Variants in RERE observed in about 807,000 individuals in gnomAD.
The protein encoded by RERE is arginine-glutamic acid dipeptide repeats, also known as arginine-glutamic acid dipeptide repeats protein.
A neutral mutation model predicts 146.1 loss-of-function variants in RERE; 40 were observed. The ratio of observed to expected loss-of-function variants is 0.27; its 90% CI spans 0.21 to 0.36. RERE has a LOEUF of 0.36. Ranked by LOEUF, RERE falls within the 10% of genes least tolerant of loss-of-function variation. The pLI is 1.00. For synonymous variants in RERE, 1,003 were observed against 866.0 expected, an observed-to-expected ratio of 1.16 and a Z score of -2.78; for missense variants, 1,933 against 2,138.7, an observed-to-expected ratio of 0.90 and a Z score of 1.90.
At chr1:8,376,369 C>A (rs1194348479) in intron 12 of RERE, among the ~76,000 whole-genome samples, 1 of 152,212 alleles carries the variant, frequency 6.6e-6, no homozygotes, top group African/African-American at 2.4e-5. Flanking sequence ...CACCCATGGA[C>A]TACAGAACTG....
intron 1 of RERE, among the ~76,000 whole-genome samples, chr1:8,682,308 G>C (rs1400745286): frequency 1.3e-5 from 2 of 152,060 alleles, no homozygotes; most frequent in Non-Finnish European, 2.9e-5. Flanking sequence ...TTCTTTCCAT[G>C]ATACAATAAA....
chr1:8,614,038 G>C (rs563165105), intron 4 of RERE, among the ~76,000 whole-genome samples: 1 of 152,140 alleles, frequency 6.6e-6, no homozygotes, highest in Non-Finnish European at 1.5e-5. Context: ...AGGGATAGCC[G>C]TTAAGAAGTA....
At chr1:8,473,382 G>A (rs1644715262) in intron 10 of RERE, among the ~76,000 whole-genome samples, 1 of 152,184 alleles carries the variant, frequency 6.6e-6, no homozygotes, top group Non-Finnish European at 1.5e-5. Context: ...CTAGCAATGG[G>A]GAGGGATACA....
intron 4 of RERE, among the ~76,000 whole-genome samples, chr1:8,580,174 T>C (rs1196745955): frequency 6.6e-6 from 1 of 152,208 alleles, no homozygotes; most frequent in Non-Finnish European, 1.5e-5. Flanking sequence ...AGCCTATGTA[T>C]ACAGCTCCTA....
chr1:8,455,562 A>C (rs1380473460), intron 11 of RERE, among the ~76,000 whole-genome samples: 5 of 152,128 alleles, frequency 3.3e-5, no homozygotes, highest in Non-Finnish European at 7.3e-5. Context: ...CTTCCAAAGC[A>C]AGCTACTGAG....
At chr1:8,738,637 G>GT (rs1640246479) in intron 1 of RERE, among the ~76,000 whole-genome samples, 1 of 152,096 alleles carries the variant, frequency 6.6e-6, no homozygotes, top group African/African-American at 2.4e-5. Context: ...ACAGTCAGTA[G>GT]TCCCATTTAC....
rs1643964592 is a variant in RERE at position 8,423,994 on chromosome 1, G to A, written c.1204-1187C>T. 1 of 151,784 alleles carries A rather than the reference G, an allele frequency of 6.6e-6. No individual in the cohort carries two copies. The highest frequency in any genetic ancestry group is 1.5e-5 in the Non-Finnish European group (1 of 67,962). The allele number at this position is 151,784 out of a possible 1,614,324, so 9.4% of individuals were successfully genotyped here. The stretch of plus-strand genomic sequence containing the variant: ...GACAGGAGAACATCAAGGCGGTAAA[G>A]CACAGAAACTTCCTCCCTACCGCAG... On this transcript the variant is annotated intron_variant, in intron 11 of 22. Transcript: ENST00000400908. The surrounding 1 kb of genome is among the most constrained non-coding windows in gnomAD (Gnocchi z 5.4).
chr1:8,543,378 C>T (rs1438114085), intron 6 of RERE, among the ~76,000 whole-genome samples: 2 of 152,194 alleles, frequency 1.3e-5, no homozygotes, highest in African/African-American at 4.8e-5. Context: ...AGAGATAACA[C>T]CTACTGCACT....
intron 1 of RERE, among the ~76,000 whole-genome samples, chr1:8,762,533 G>A (rs956458910): frequency 3.3e-5 from 5 of 151,918 alleles, no homozygotes; most frequent in Admixed American, 1.3e-4. Flanking sequence ...TAGAATACCC[G>A]AGAAAGGTGC....
intron 1 of RERE, among the ~76,000 whole-genome samples, chr1:8,684,549 T>A (rs1180880569): frequency 2.0e-5 from 3 of 152,168 alleles, no homozygotes; most frequent in African/African-American, 7.2e-5. Context: ...ACCAACATAT[T>A]TCAACTAGAG....
chr1:8,765,749 C>T (rs1291270933), intron 1 of RERE, among the ~76,000 whole-genome samples: 2 of 152,120 alleles, frequency 1.3e-5, no homozygotes, highest in Non-Finnish European at 2.9e-5. Context: ...GTCAGGAGAT[C>T]GAGACCATCC....
chr1:8,693,428 A>G lies in RERE; in HGVS notation c.-144-36987T>C, dbSNP rs576166775. On this transcript the variant is annotated intron_variant, in intron 1 of 22. Transcript: ENST00000400908. ...TATCAGTGATAAAAAGTAGTGAGCTATCATGCTCACAGAGACATGGAGAAA... is the reference window on the plus strand; with the variant it reads ...TATCAGTGATAAAAAGTAGTGAGCTGTCATGCTCACAGAGACATGGAGAAA... Among the ~76,000 whole-genome samples the G allele has an allele frequency of 2.0e-5, 3 of 152,362 alleles. No individual in the cohort carries two copies. The East Asian group carries it at 5.8e-4, about 29-fold the overall frequency.
chr1:8,520,777 C>T (rs555720393), intron 7 of RERE, among the ~76,000 whole-genome samples: 6 of 54,166 alleles, frequency 1.1e-4, no homozygotes, highest in Admixed American at 1.6e-4. Flanking sequence ...AAAAAAAAAA[C>T]CACTATGACC....
At position 8,469,086 on chromosome 1, in the gene RERE, T is replaced by A. The variant is rs996363108; in HGVS notation, c.1105-3063A>T. 3.9e-5 allele frequency among the ~76,000 whole-genome samples: 6 copies of A among 152,114 alleles called. No individual in the cohort carries two copies. The South Asian group carries it at 1.2e-3, about 32-fold the overall frequency. ...TTTAAAAATGGATAAAATAATAACATCAACCTCTTAGCGACATGTGAGGAT... is the reference window on the plus strand; with the variant it reads ...TTTAAAAATGGATAAAATAATAACAACAACCTCTTAGCGACATGTGAGGAT... On this transcript the variant is annotated intron_variant, in intron 10 of 22. Coordinates refer to ENST00000400908, the MANE Select transcript of RERE (RefSeq NM_001042681.2).
intron 11 of RERE, among the ~76,000 whole-genome samples, chr1:8,442,343 C>T (rs570383145): frequency 2.7e-5 from 4 of 150,502 alleles, no homozygotes; most frequent in South Asian, 4.2e-4. Context: ...AAGATGGTGC[C>T]GCCACTGCAG....
intron 11 of RERE, among the ~76,000 whole-genome samples, chr1:8,456,914 A>G (rs1644459584): frequency 2.0e-5 from 3 of 152,048 alleles, no homozygotes. Context: ...CCTGCTTTTA[A>G]TTTTTTCAGG....
chr1:8,730,791 T>C (rs1461848344), intron 1 of RERE, among the ~76,000 whole-genome samples: 1 of 152,226 alleles, frequency 6.6e-6, no homozygotes, highest in East Asian at 1.9e-4. Context: ...GTTTCCCCTT[T>C]GTACTTTATC....
At chr1:8,718,390 C>T (rs535295425) in intron 1 of RERE, among the ~76,000 whole-genome samples, 7 of 152,230 alleles carry the variant, frequency 4.6e-5, no homozygotes, top group African/African-American at 1.7e-4. Context: ...CACCAAAGAG[C>T]GGCAAAATGA....
chr1:8,567,238 A>C (rs975444442), intron 4 of RERE, among the ~76,000 whole-genome samples: 1 of 152,204 alleles, frequency 6.6e-6, no homozygotes, highest in East Asian at 1.9e-4. Context: ...AGTGGTATTC[A>C]ATTCAAAAGA....
Sources: allele counts gnomAD v4.1 joint callset (sites outside exome capture counted in the v4.1 genomes callset), GRCh38; gene constraint gnomAD v4.1.1; non-coding constraint Gnocchi (gnomAD v3.1); transcripts MANE v1.5; gene names NCBI Gene and HGNC (gene_info 2026-07-23, HGNC 2026-07-21).